The following MED27 variants were observed in gnomAD, a reference collection of about 807,000 sequenced individuals.
MED27 encodes mediator of RNA polymerase II transcription subunit 27.
MED27 carries 30 observed loss-of-function variants against 38.2 expected under a neutral mutation model. The ratio of observed to expected loss-of-function variants is 0.79; its 90% CI spans 0.59 to 1.07. The LOEUF (loss-of-function observed/expected upper bound fraction) is 1.07. Ranked by LOEUF, MED27 falls within the 50% of genes least tolerant of loss-of-function variation. The pLI is 0.00. For missense variants in MED27, 289 were observed against 397.5 expected (o/e 0.73, Z 2.32); for synonymous variants, 122 against 153.5 (o/e 0.79, Z 1.52).
At chr9:132,073,401 T>A in intron 2 of MED27, 4 of 1,045,398 alleles carry the variant, frequency 3.8e-6, no homozygotes, top group Non-Finnish European at 4.6e-6. Flanking sequence ...CTTCACTGAA[T>A]GATTACAGTG....
In MED27 at chr9:131,917,672, TAC is replaced by T. The variant is rs1175488417; in HGVS notation, c.573+21707_573+21708del. Among the ~76,000 whole-genome samples, 2 of 152,144 alleles carry T rather than the reference TAC, an allele frequency of 1.3e-5. No homozygotes were observed. The highest frequency in any genetic ancestry group is 1.3e-4 in the Admixed American group (2 of 15,270). Reference sequence around the variant, plus strand: ...CCGCAATGTAATCAGTGCTAGAGATTACAGTTTGGGGTTATCTTTCACATAGT... The same window carrying T: ...CCGCAATGTAATCAGTGCTAGAGATTAGTTTGGGGTTATCTTTCACATAGT... On this transcript the variant is annotated intron_variant, in intron 4 of 7. Transcript: ENST00000292035. The surrounding 1 kb of genome is among the most constrained non-coding windows in gnomAD (Gnocchi z 4.6).
chr9:131,949,411 G>C (rs1830946904), intron 3 of MED27, among the ~76,000 whole-genome samples: 1 of 151,986 alleles, frequency 6.6e-6, no homozygotes, highest in African/African-American at 2.4e-5. Context: ...AAGTAAGCAG[G>C]GCAAGCAGAA....
At chr9:131,960,758 TAAC>T (rs1365315319) in intron 3 of MED27, among the ~76,000 whole-genome samples, 2 of 152,038 alleles carry the variant, frequency 1.3e-5, no homozygotes, top group African/African-American at 4.8e-5. Context: ...TACAAAGCCT[TAAC>T]AACAAGGGGA....
intron 3 of MED27, among the ~76,000 whole-genome samples, chr9:131,980,775 C>T (rs530836199): frequency 2.0e-5 from 3 of 151,812 alleles, no homozygotes; most frequent in African/African-American, 4.8e-5. Flanking sequence ...AAAAATGTCA[C>T]GCTTTAACCA....
At chr9:131,881,588 A>C (rs1839040569) in intron 6 of MED27, among the ~76,000 whole-genome samples, 1 of 152,198 alleles carries the variant, frequency 6.6e-6, no homozygotes, top group South Asian at 2.1e-4. Context: ...TTTACAGAAA[A>C]GCTGCAAAGA....
chr9:131,861,767 C>CTTT lies in MED27; in HGVS notation c.802-1098_802-1096dup, dbSNP rs66880335. Among the ~76,000 whole-genome samples, 8 of 145,226 alleles carry CTTT rather than the reference C, an allele frequency of 5.5e-5. No individual in the cohort carries two copies. Among genetic ancestry groups the CTTT allele is most frequent in the African/African-American group, 1.0e-4 (4 of 38,152 alleles). ...AGTGCTGTGACAGATGTAAATGGTT[C>CTTT]TTTTTTTTTTTTTTTTTTTTTATGA... On this transcript the variant is annotated intron_variant, in intron 7 of 7. Coordinates refer to ENST00000292035, the MANE Select transcript of MED27 (RefSeq NM_004269.4). The surrounding 1 kb of genome is among the most constrained non-coding windows in gnomAD (Gnocchi z 4.4).
At chr9:132,013,848 C>T (rs997631256) in intron 3 of MED27, among the ~76,000 whole-genome samples, 2 of 152,086 alleles carry the variant, frequency 1.3e-5, no homozygotes, top group African/African-American at 4.8e-5. Context: ...TCACAAAGAT[C>T]TATGCAAATT....
chr9:131,904,401 A>C (rs1830012586), intron 4 of MED27, among the ~76,000 whole-genome samples: 1 of 150,914 alleles, frequency 6.6e-6, no homozygotes, highest in Non-Finnish European at 1.5e-5. Context: ...TTATTTTTAT[A>C]TTTTTCTTAT....
chr9:132,073,915 T>C (rs904008069), intron 2 of MED27, among the ~76,000 whole-genome samples: 3 of 152,092 alleles, frequency 2.0e-5, no homozygotes, highest in Non-Finnish European at 4.4e-5. Flanking sequence ...AATATACAAG[T>C]AGCCTTCTGC....
chr9:131,968,718 G>C (rs925017446), intron 3 of MED27, among the ~76,000 whole-genome samples: 4 of 152,260 alleles, frequency 2.6e-5, no homozygotes, highest in East Asian at 3.9e-4. Flanking sequence ...TCTAGAGCAG[G>C]AGTCTCCAAC....
At chr9:132,073,767 T>TG (rs1284578157) in intron 2 of MED27, 30 of 1,477,962 alleles carry the variant, frequency 2.0e-5, no homozygotes, top group Admixed American at 2.6e-5. Context: ...AAATCAAACG[T>TG]GAAAAAAAAA....
chr9:131,864,089 A>C (rs1376774456), intron 6 of MED27, among the ~76,000 whole-genome samples: 1 of 152,230 alleles, frequency 6.6e-6, no homozygotes, highest in Non-Finnish European at 1.5e-5. Flanking sequence ...GTCAATCAGC[A>C]TATGAGTAGA....
intron 4 of MED27, among the ~76,000 whole-genome samples, chr9:131,936,129 TC>T (rs1830679019): frequency 1.5e-5 from 2 of 130,014 alleles, no homozygotes; most frequent in Non-Finnish European, 3.1e-5. Context: ...TGAGACCCTG[TC>T]TCAAAAAAAA....
At chr9:131,897,769 G>A (rs1407134292) in intron 4 of MED27, among the ~76,000 whole-genome samples, 1 of 152,180 alleles carries the variant, frequency 6.6e-6, no homozygotes, top group African/African-American at 2.4e-5. Context: ...ATAATAAGAA[G>A]TTTTTAAAAA....
At chr9:131,904,541 G>T (rs1032267459) in intron 4 of MED27, among the ~76,000 whole-genome samples, 3 of 134,838 alleles carry the variant, frequency 2.2e-5, no homozygotes, top group East Asian at 2.2e-4. Flanking sequence ...ATAGAGATCG[G>T]GGGGGAGCGG....
At chr9:131,863,510 C>A (rs894818941) in intron 6 of MED27, among the ~76,000 whole-genome samples, 2 of 152,234 alleles carry the variant, frequency 1.3e-5, no homozygotes, top group African/African-American at 4.8e-5. Flanking sequence ...GCACATACGA[C>A]AAGGAGCACT....
At chr9:131,957,418 C>G (rs1481877594) in intron 3 of MED27, among the ~76,000 whole-genome samples, 1 of 152,100 alleles carries the variant, frequency 6.6e-6, no homozygotes, top group African/African-American at 2.4e-5. Flanking sequence ...CCATGTCCAA[C>G]TAATTTTTTT....
intron 2 of MED27, among the ~76,000 whole-genome samples, chr9:132,041,684 AT>A (rs1360720411): frequency 6.6e-6 from 1 of 152,220 alleles, no homozygotes. Context: ...TACTTTTTAA[AT>A]TTTTAAATAG....
chr9:131,922,583 G>A (rs1830413994), intron 4 of MED27, among the ~76,000 whole-genome samples: 1 of 151,544 alleles, frequency 6.6e-6, no homozygotes, highest in Admixed American at 6.6e-5. Context: ...TGGGATTACA[G>A]GCATGCACCG....
Sources: gnomAD v4.1 joint callset for allele counts (sites outside exome capture counted in the v4.1 genomes callset) on GRCh38, gnomAD v4.1.1 for gene constraint, Gnocchi (gnomAD v3.1) non-coding constraint, MANE v1.5 for transcripts, NCBI Gene and HGNC (gene_info 2026-07-23, HGNC 2026-07-21) for gene names.